CDH19: variants seen among roughly 807,000 people sequenced by gnomAD.
CDH19 encodes cadherin 19.
In CDH19, 67 loss-of-function variants were observed where a neutral mutation model predicts 64.2. The ratio of observed to expected loss-of-function variants is 1.04; its 90% confidence interval spans 0.86 to 1.28. The LOEUF is 1.28. CDH19 is among the 50% of genes most tolerant of loss of function. The pLI, the probability that CDH19 is intolerant of heterozygous loss-of-function variation, is 0.00. For missense variants in CDH19, 1,030 were observed against 929.0 expected (o/e 1.11, Z -1.41); for synonymous variants, 346 against 319.3 (o/e 1.08, Z -0.89).
rs1052014308 is a variant in CDH19 at position 66,558,192 on chromosome 18, A to T, written c.491-3668T>A. Among the ~76,000 whole-genome samples, 13 of 148,990 alleles carry T rather than the reference A, an allele frequency of 8.7e-5. 1 individual carries two copies. On this transcript the variant is annotated intron_variant, in intron 3 of 11. Coordinates refer to ENST00000262150, the MANE Select transcript of CDH19 (RefSeq NM_021153.4). The stretch of plus-strand genomic sequence containing the variant: ...ATATATATATATAATATATATATTT[A>T]AGAGGGCAAAAATATGCAGCAGTAT...
At chr18:66,550,007 A>G (rs1180073303) in intron 5 of CDH19, among the ~76,000 whole-genome samples, 2 of 151,988 alleles carry the variant, frequency 1.3e-5, no homozygotes, top group African/African-American at 2.4e-5. Flanking sequence ...AAGGATGAGG[A>G]AAAAAAAGTA....
intron 7 of CDH19, among the ~76,000 whole-genome samples, chr18:66,535,625 A>G (rs1017855174): frequency 1.4e-5 from 2 of 147,056 alleles, no homozygotes; most frequent in Non-Finnish European, 3.0e-5. Context: ...TTATATATAT[A>G]TATATATAAA....
At chr18:66,523,577 G>A (rs1269941664) in intron 9 of CDH19, among the ~76,000 whole-genome samples, 2 of 149,182 alleles carry the variant, frequency 1.3e-5, no homozygotes, top group Admixed American at 6.8e-5. Flanking sequence ...ACCTCACTGC[G>A]TTGCCAGGTC....
intron 3 of CDH19, among the ~76,000 whole-genome samples, chr18:66,565,313 C>A (rs761991280): frequency 2.4e-4 from 37 of 152,006 alleles, no homozygotes; most frequent in Admixed American, 9.9e-4. Flanking sequence ...TAATAAGCAA[C>A]AAGTTAATAA....
chr18:66,574,153 C>A (rs75622476), intron 1 of CDH19, among the ~76,000 whole-genome samples: 2,192 of 151,650 alleles, frequency 0.014, 32 homozygotes, highest in Non-Finnish European at 0.022. Context: ...GCTGAAGAGT[C>A]AAGGTTATTT....
At chr18:66,550,252 A>AT (rs1378330769) in intron 5 of CDH19, among the ~76,000 whole-genome samples, 1 of 152,188 alleles carries the variant, frequency 6.6e-6, no homozygotes, top group African/African-American at 2.4e-5. Context: ...GCATAAGAAA[A>AT]TTTTACGAAG....
intron 1 of CDH19, among the ~76,000 whole-genome samples, chr18:66,594,841 T>A (rs1480983684): frequency 2.7e-5 from 3 of 110,626 alleles, no homozygotes; most frequent in African/African-American, 7.2e-5. Context: ...AACATCACAC[T>A]CTGGGGACTG....
chr18:66,525,431 C>T (rs887276661), intron 9 of CDH19, among the ~76,000 whole-genome samples: 1 of 151,970 alleles, frequency 6.6e-6, no homozygotes, highest in African/African-American at 2.4e-5. Context: ...AAGAGATTAA[C>T]AGCACTTTAA....
intron 1 of CDH19, among the ~76,000 whole-genome samples, chr18:66,577,728 A>G (rs1257605486): frequency 1.3e-5 from 2 of 151,982 alleles, no homozygotes; most frequent in Non-Finnish European, 2.9e-5. Context: ...CCCACAACTC[A>G]GTGTCTTAAA....
rs2144322540 is a variant in CDH19 at position 66,504,632 on chromosome 18, C to T, written c.*180G>A. 1 of 528,764 alleles carries T rather than the reference C, an allele frequency of 1.9e-6. No individual in the cohort carries two copies. The highest frequency in any genetic ancestry group is 3.9e-5 in the South Asian group (1 of 25,364). The allele number at this position is 528,764 out of a possible 1,614,324, so 32.8% of individuals were successfully genotyped here. A position where few individuals can be genotyped will look rare whatever the true frequency, so the allele number is the denominator to read the frequency against. On this transcript the variant is annotated 3_prime_UTR_variant, in exon 12 of 12. Transcript: ENST00000262150. ...ATTGTTTACATTTCTCCCCACATCT[C>T]TGTTCAATGACAGCATGTAGGTAGC...
intron 3 of CDH19, among the ~76,000 whole-genome samples, chr18:66,555,102 T>A (rs1490402881): frequency 6.6e-6 from 1 of 151,858 alleles, no homozygotes; most frequent in Non-Finnish European, 1.5e-5. Flanking sequence ...CAGATATTGA[T>A]AACATAAGCA....
At chr18:66,578,148 C>G (rs1029135880) in intron 1 of CDH19, among the ~76,000 whole-genome samples, 4 of 151,778 alleles carry the variant, frequency 2.6e-5, no homozygotes, top group Non-Finnish European at 5.9e-5. Flanking sequence ...GTGTGAAGAC[C>G]TTGATATCTC....
chr18:66,543,958 C>T lies in CDH19; in HGVS notation c.1214+13G>A, dbSNP rs752661441. On this transcript the variant is annotated intron_variant, in intron 7 of 11. Transcript: ENST00000262150. ...ACTTATTTATTAATGCAAAACTGAC[C>T]TTACAGACATACCTGATAGGAGATT... The T allele has an allele frequency of 2.3e-5, 36 of 1,588,330 alleles. No homozygotes were observed. Among genetic ancestry groups the T allele is most frequent in the Non-Finnish European group, 3.0e-5 (35 of 1,165,282 alleles).
chr18:66,529,748 T>A, intron 9 of CDH19, 97 bp downstream of exon 9: 3 of 398,270 alleles, frequency 7.5e-6, no homozygotes, highest in Non-Finnish European at 1.3e-5. Flanking sequence ...GATGTTGATA[T>A]CTATTATATA....
chr18:66,528,331 G>A (rs532637735), intron 9 of CDH19, among the ~76,000 whole-genome samples: 38 of 152,132 alleles, frequency 2.5e-4, no homozygotes, highest in African/African-American at 8.7e-4. Flanking sequence ...CCAAGTTCAC[G>A]TTCATTCTGT....
chr18:66,509,519 ACTT>A (rs1187325412), intron 10 of CDH19, among the ~76,000 whole-genome samples: 1 of 151,778 alleles, frequency 6.6e-6, no homozygotes, highest in African/African-American at 2.4e-5. Context: ...AGTTGATACT[ACTT>A]ATTTAGTTAA....
chr18:66,582,639 C>CAAAAA (rs11410904), intron 1 of CDH19, among the ~76,000 whole-genome samples: 8 of 72,856 alleles, frequency 1.1e-4, no homozygotes, highest in African/African-American at 1.6e-4. Flanking sequence ...TTACTGTCAC[C>CAAAAA]AAAAAAAAAA....
chr18:66,597,667 C>T (rs1177656428), intron 1 of CDH19, among the ~76,000 whole-genome samples: 2 of 152,090 alleles, frequency 1.3e-5, no homozygotes, highest in African/African-American at 2.4e-5. Context: ...ACAGACAACA[C>T]ACAGAATCAG....
At chr18:66,509,364 G>T in intron 10 of CDH19, 118 bp from the exon 11 acceptor site, 1 of 824,812 alleles carries the variant, frequency 1.2e-6, no homozygotes. Context: ...TCAAATAAAA[G>T]GAAGACGAAA....
Sources: allele counts gnomAD v4.1 joint callset (sites outside exome capture counted in the v4.1 genomes callset), GRCh38; gene constraint gnomAD v4.1.1; transcripts MANE v1.5; gene names NCBI Gene and HGNC (gene_info 2026-07-23, HGNC 2026-07-21).